PRKCA: variants seen among roughly 807,000 people sequenced by gnomAD.
The protein encoded by PRKCA is protein kinase C alpha type.
Under a neutral mutation model 87.0 loss-of-function variants are expected in PRKCA, and 27 were observed. The observed-to-expected ratio is 0.31, with a 90% confidence interval of 0.23 to 0.43. PRKCA has a LOEUF of 0.43. Among genes scored for constraint, PRKCA ranks in the 20% least tolerant of loss-of-function variants. PRKCA has a pLI of 1.00. For synonymous variants in PRKCA, 329 were observed against 311.1 expected (o/e 1.06, Z -0.61); for missense variants, 518 against 852.3 (o/e 0.61, Z 4.88).
At chr17:66,762,424 G>A (rs1352555424) in intron 13 of PRKCA, among the ~76,000 whole-genome samples, 6 of 152,204 alleles carry the variant, frequency 3.9e-5, no homozygotes, top group Non-Finnish European at 7.3e-5. Flanking sequence ...TGAGGAAATG[G>A]AGGCTCAGAG....
intron 2 of PRKCA, among the ~76,000 whole-genome samples, chr17:66,364,729 C>T (rs1466692829): frequency 1.3e-5 from 2 of 152,128 alleles, no homozygotes; most frequent in East Asian, 1.9e-4. Flanking sequence ...TGGCTGCTGA[C>T]GGGGCTCCCT....
At chr17:66,634,032 A>T (rs1971090654) in intron 3 of PRKCA, among the ~76,000 whole-genome samples, 1 of 137,120 alleles carries the variant, frequency 7.3e-6, no homozygotes, top group South Asian at 2.4e-4. Context: ...ATTTTAACAT[A>T]TTGCAAATGA....
rs187631157 is a variant in PRKCA at position 66,604,191 on chromosome 17, T to C, written c.289-37164T>C. 2.6e-5 allele frequency among the ~76,000 whole-genome samples: 4 copies of C among 151,686 alleles called. No homozygotes were observed. The East Asian group carries it at 7.8e-4, about 29-fold the overall frequency. On this transcript the variant is annotated intron_variant, in intron 3 of 16. Coordinates refer to ENST00000413366, the MANE Select transcript of PRKCA (RefSeq NM_002737.3). ...AGAGTGTGTTAAAAGAAAAAGCAAA[T>C]GGATAATAGCTCTAAATAAGAACTT...
intron 3 of PRKCA, among the ~76,000 whole-genome samples, chr17:66,633,277 T>G (rs1356256446): frequency 6.6e-6 from 1 of 152,086 alleles, no homozygotes; most frequent in Non-Finnish European, 1.5e-5. Context: ...ACCAAAAAAA[T>G]TTTAAATAGG....
intron 2 of PRKCA, among the ~76,000 whole-genome samples, chr17:66,363,862 CT>C (rs984901057): frequency 2.2e-4 from 34 of 152,266 alleles, no homozygotes; most frequent in African/African-American, 7.7e-4. Context: ...GCCACCATGC[CT>C]GGCTAATTTT....
chr17:66,594,786 T>C (rs1415453294), intron 3 of PRKCA, among the ~76,000 whole-genome samples: 1 of 152,144 alleles, frequency 6.6e-6, no homozygotes, highest in African/African-American at 2.4e-5. Flanking sequence ...ACTGCATAGA[T>C]CAGGTTGGCC....
At chr17:66,402,776 G>C (rs1911112745) in intron 2 of PRKCA, among the ~76,000 whole-genome samples, 1 of 152,186 alleles carries the variant, frequency 6.6e-6, no homozygotes, top group African/African-American at 2.4e-5. Context: ...GGTAAAGAAG[G>C]AATAATTCAT....
chr17:66,325,574 G>A (rs1905932001), intron 2 of PRKCA, among the ~76,000 whole-genome samples: 1 of 152,174 alleles, frequency 6.6e-6, no homozygotes, highest in African/African-American at 2.4e-5. Context: ...AATGCTTGAT[G>A]ATAGTAGGGG....
At chr17:66,328,275 A>T (rs1232399579) in intron 2 of PRKCA, among the ~76,000 whole-genome samples, 1 of 150,022 alleles carries the variant, frequency 6.7e-6, no homozygotes, top group Non-Finnish European at 1.5e-5. Context: ...TCGGTCTTGA[A>T]CTCCTGGCCG....
chr17:66,335,208 A>T (rs989555282), intron 2 of PRKCA, among the ~76,000 whole-genome samples: 2 of 152,078 alleles, frequency 1.3e-5, no homozygotes, highest in Non-Finnish European at 2.9e-5. Flanking sequence ...AGCTCATGAC[A>T]TCCTCCATCT....
At chr17:66,512,766 C>G (rs990574718) in intron 3 of PRKCA, among the ~76,000 whole-genome samples, 1 of 152,222 alleles carries the variant, frequency 6.6e-6, no homozygotes, top group Middle Eastern at 3.4e-3. Flanking sequence ...GAACTTGGCT[C>G]ACTGCAACTT....
At chr17:66,389,935 A>T (rs1178960115) in intron 2 of PRKCA, among the ~76,000 whole-genome samples, 1 of 152,250 alleles carries the variant, frequency 6.6e-6, no homozygotes, top group East Asian at 1.9e-4. Context: ...ACATAAAATC[A>T]TGAAGAGGCC....
chr17:66,672,825 C>G (rs1255628246), intron 5 of PRKCA, among the ~76,000 whole-genome samples: 2 of 152,076 alleles, frequency 1.3e-5, no homozygotes, highest in Non-Finnish European at 2.9e-5. Flanking sequence ...AACTTTATTC[C>G]TAGTGTGATG....
intron 2 of PRKCA, among the ~76,000 whole-genome samples, chr17:66,470,173 G>A (rs962074358): frequency 1.4e-5 from 2 of 146,388 alleles, no homozygotes; most frequent in Non-Finnish European, 3.0e-5. Context: ...GATGCTTAAT[G>A]GACCTGAACC....
chr17:66,781,887 A>ATATATATATATATATATAGTGT (rs767300220), intron 14 of PRKCA, among the ~76,000 whole-genome samples: 1 of 125,548 alleles, frequency 8.0e-6, no homozygotes. Context: ...ATATATATAT[A>ATATATATATATATATATAGTGT]GTGTGTGTGT....
intron 8 of PRKCA, among the ~76,000 whole-genome samples, chr17:66,711,705 G>T (rs928917666): frequency 2.0e-5 from 3 of 152,090 alleles, no homozygotes; most frequent in Non-Finnish European, 4.4e-5. Context: ...AAATGCTCGG[G>T]TGGAGGATTT....
At chr17:66,428,310 C>T (rs972363319) in intron 2 of PRKCA, among the ~76,000 whole-genome samples, 1 of 152,028 alleles carries the variant, frequency 6.6e-6, no homozygotes, top group African/African-American at 2.4e-5. Context: ...GCACCGATAT[C>T]GAGCTGTCTT....
intron 5 of PRKCA, among the ~76,000 whole-genome samples, chr17:66,665,048 G>T (rs193100005): frequency 4.6e-5 from 7 of 152,216 alleles, no homozygotes; most frequent in Middle Eastern, 3.4e-3. Context: ...CAGAATCCCC[G>T]AACTCATGGT....
intron 3 of PRKCA, among the ~76,000 whole-genome samples, chr17:66,507,629 GT>G (rs1917035921): frequency 6.6e-6 from 1 of 152,206 alleles, no homozygotes; most frequent in African/African-American, 2.4e-5. Context: ...GCTGGCAGCA[GT>G]TTGGAGACTT....
Sources: allele counts gnomAD v4.1 joint callset (sites outside exome capture counted in the v4.1 genomes callset), GRCh38; gene constraint gnomAD v4.1.1; transcripts MANE v1.5; gene names NCBI Gene and HGNC (gene_info 2026-07-23, HGNC 2026-07-21).